The following EHMT1 variants were observed in gnomAD, a reference collection of about 807,000 sequenced individuals.
EHMT1 encodes the protein histone-lysine N-methyltransferase EHMT1.
A neutral mutation model predicts 147.2 loss-of-function variants in EHMT1; 15 were observed. The ratio of observed to expected loss-of-function variants is 0.10; its 90% CI spans 0.07 to 0.16. The LOEUF (loss-of-function observed/expected upper bound fraction) is 0.16. Among genes scored for constraint, EHMT1 ranks in the 10% least tolerant of loss-of-function variants. The probability of loss-of-function intolerance (pLI) is 1.00; values close to 1 mark genes in which losing one functional copy is unlikely to be tolerated. For synonymous variants in EHMT1, 795 were observed against 709.6 expected (o/e 1.12, Z -1.91); for missense variants, 1,587 against 1,772.4 (o/e 0.90, Z 1.88).
chr9:137,817,129 G>T, intron 23 of EHMT1: 1 of 452,450 alleles, frequency 2.2e-6, no homozygotes, highest in Non-Finnish European at 4.1e-6. Flanking sequence ...TAGCACCTCT[G>T]CCCCTCACAG....
intron 1 of EHMT1, among the ~76,000 whole-genome samples, chr9:137,676,773 G>A (rs1941383810): frequency 1.3e-5 from 2 of 152,202 alleles, no homozygotes; most frequent in Admixed American, 6.5e-5. Context: ...TGGGGTCACG[G>A]AATTCCGCCT....
chr9:137,758,105 C>A, intron 9 of EHMT1, 94 bp downstream of exon 9: 1 of 1,543,936 alleles, frequency 6.5e-7, no homozygotes, highest in Non-Finnish European at 8.9e-7. Context: ...CCTTGGTGGA[C>A]ACTAGTAGAA....
Position 137,716,622 on chromosome 9 carries a change from G to T in EHMT1, c.86-4G>T, listed in dbSNP as rs1945333186. The T allele has an allele frequency of 3.2e-6, 5 of 1,549,684 alleles. No individual in the cohort carries two copies. The East Asian group carries it at 1.1e-4, about 35-fold the overall frequency. On this transcript the variant is annotated splice_polypyrimidine_tract_variant and splice_region_variant and intron_variant, in intron 2 of 26. Coordinates refer to ENST00000460843, the MANE Select transcript of EHMT1 (RefSeq NM_024757.5). ...GTCAGTGACACTCGTTTCTTTGTTG[G>T]CAGAGACACCTATGGCTGCCGATGA...
Position 137,619,046 on chromosome 9 carries a change from C to A in EHMT1, c.18C>A (p.Ala6=), listed in dbSNP as rs1588999893. ...CCCGGGCCATGGCCGCCGCCGATGCCGAGGTGAGCAGCGGGGCCGGCGGGG... is the reference window on the plus strand; with the variant it reads ...CCCGGGCCATGGCCGCCGCCGATGCAGAGGTGAGCAGCGGGGCCGGCGGGG... MAAAD[A]EAVPARGEPQ... Residue 6 remains alanine, a synonymous_variant, in exon 1 of 27, where the codon GCC becomes GCA. Transcript: ENST00000460843. The A allele has an allele frequency of 5.2e-6, 5 of 954,976 alleles. No homozygotes were observed. Among genetic ancestry groups the A allele is most frequent in the Non-Finnish European group, 5.0e-6 (4 of 804,486 alleles). The allele number at this position is 954,976 out of a possible 1,614,324, so 59.2% of individuals were successfully genotyped here. A position where few individuals can be genotyped will look rare whatever the true frequency, so the allele number is the denominator to read the frequency against.
Position 137,798,584 on chromosome 9 carries a change from G to C in EHMT1, c.2506-229G>C, listed in dbSNP as rs4876946. 0.3 allele frequency among the ~76,000 whole-genome samples: 45,177 copies of C among 152,084 alleles called. 6,982 individuals are homozygous for C. The highest frequency in any genetic ancestry group is 0.4 in the Admixed American group (6,150 of 15,292). Reference sequence around the variant, plus strand: ...GACAACTATTGCTGAATCATTGACGGTGTCTTCACTGTGCCAGGCGACTGA... The same window carrying C: ...GACAACTATTGCTGAATCATTGACGCTGTCTTCACTGTGCCAGGCGACTGA... On this transcript the variant is annotated intron_variant, in intron 16 of 26. Transcript: ENST00000460843.
chr9:137,806,977 T>C (rs191683924), intron 18 of EHMT1, among the ~76,000 whole-genome samples: 81 of 152,362 alleles, frequency 5.3e-4, no homozygotes, highest in Non-Finnish European at 9.1e-4. Context: ...GTTTTAGCAA[T>C]TGGATTTTCC....
At chr9:137,747,032 T>C (rs556022981) in intron 6 of EHMT1, 1 of 152,266 alleles carries the variant, frequency 6.6e-6, no homozygotes, top group Admixed American at 6.5e-5. Flanking sequence ...GCACTGACAA[T>C]CAACAGTGAT....
At chr9:137,623,446 G>A (rs1843061470) in intron 1 of EHMT1, among the ~76,000 whole-genome samples, 1 of 151,198 alleles carries the variant, frequency 6.6e-6, no homozygotes. Context: ...ATGGAGGTCC[G>A]CTCCGTCGCC....
intron 23 of EHMT1, 129 bp downstream of exon 23, chr9:137,816,191 C>A: frequency 1.2e-6 from 1 of 821,274 alleles, no homozygotes; most frequent in Non-Finnish European, 2.0e-6. Flanking sequence ...CAGATAGAGC[C>A]GACAAGTTAC....
chr9:137,626,783 ATTTTTTT>A (rs1310956717), intron 1 of EHMT1, among the ~76,000 whole-genome samples: 1 of 133,048 alleles, frequency 7.5e-6, no homozygotes, highest in African/African-American at 2.8e-5. Context: ...CTCTTGCAGA[ATTTTTTT>A]TTTTTTTTTT....
At position 137,743,535 on chromosome 9, in the gene EHMT1, G is replaced by A. The variant is rs797045557; in HGVS notation, c.981+7G>A. On this transcript the variant is annotated splice_region_variant and intron_variant, in intron 5 of 26. Transcript: ENST00000460843. ...TTCCACTGTGGGTTCCAAGGTAAGA[G>A]ACGCATTTGAGTGAGTTGCCACGTG... 1.2e-6 allele frequency: 2 copies of A among 1,614,110 alleles called. No homozygotes were observed. The highest frequency in any genetic ancestry group is 4.5e-5 in the East Asian group (2 of 44,886).
At chr9:137,811,921 G>T (rs1009275732) in intron 19 of EHMT1, among the ~76,000 whole-genome samples, 1 of 152,240 alleles carries the variant, frequency 6.6e-6, no homozygotes, top group African/African-American at 2.4e-5. Flanking sequence ...CCTGCTCCCA[G>T]CAGGGACCTG....
chr9:137,717,109 A>G lies in EHMT1; in HGVS notation c.569A>G (p.Lys190Arg). Residue 190 changes from lysine (K) to arginine (R), a missense_variant, in exon 3 of 27, where the codon AAG becomes AGG. Around this residue, in one of 7 missense-constraint regions of EHMT1, gnomAD observed 810 missense variants for 673.0 expected, o/e 1.20. Coordinates refer to ENST00000460843, the MANE Select transcript of EHMT1 (RefSeq NM_024757.5). ...GGGAGTGCTGACACAGAGGACAGGA[A>G]GCTCCCGGCCCCTGGCGCCGACGTC... is the stretch of plus-strand genomic sequence containing the variant. ...GEGSADTEDR[K>R]LPAPGADVKV... 6.2e-7 allele frequency: 1 copy of G among 1,612,532 alleles called. No individual in the cohort carries two copies. Among genetic ancestry groups the G allele is most frequent in the Admixed American group, 1.7e-5 (1 of 60,006 alleles).
intron 1 of EHMT1, among the ~76,000 whole-genome samples, chr9:137,636,742 G>A (rs1244550445): frequency 6.6e-6 from 1 of 152,004 alleles, no homozygotes; most frequent in Non-Finnish European, 1.5e-5. Flanking sequence ...ATCCATTTGG[G>A]TATGTTATCT....
chr9:137,668,310 C>T lies in EHMT1; in HGVS notation c.22-42657C>T, dbSNP rs151090766. 3.3e-5 allele frequency among the ~76,000 whole-genome samples: 5 copies of T among 152,022 alleles called. No individual in the cohort carries two copies. The East Asian group carries it at 9.7e-4, about 29-fold the overall frequency. On this transcript the variant is annotated intron_variant, in intron 1 of 26. Coordinates refer to ENST00000460843, the MANE Select transcript of EHMT1 (RefSeq NM_024757.5). ...CTCTTCCTCCATTCTCCTTCCTCTC[C>T]CTTCTATTCACCCACCCACCACTCA...
At chr9:137,712,700 T>C (rs575691707) in intron 2 of EHMT1, among the ~76,000 whole-genome samples, 5 of 152,304 alleles carry the variant, frequency 3.3e-5, no homozygotes, top group South Asian at 2.1e-4. Flanking sequence ...TTTGCAAATA[T>C]TTTCTTCCGG....
chr9:137,782,490 G>A lies in EHMT1; in HGVS notation c.2382+93G>A. Reference sequence around the variant, plus strand: ...ATACCACGTTCGCGGTTCTTCCAGTGTAAGAGTTCCGTAGTGCTGTGAATC... The same window carrying A: ...ATACCACGTTCGCGGTTCTTCCAGTATAAGAGTTCCGTAGTGCTGTGAATC... On this transcript the variant is annotated intron_variant, in intron 15 of 26. Coordinates refer to ENST00000460843, the MANE Select transcript of EHMT1 (RefSeq NM_024757.5). The surrounding 1 kb of genome is among the most constrained non-coding windows in gnomAD (Gnocchi z 5.7). 1 of 1,232,388 alleles carries A rather than the reference G, an allele frequency of 8.1e-7. No individual in the cohort carries two copies. The highest frequency in any genetic ancestry group is 1.1e-6 in the Non-Finnish European group (1 of 874,044). 76.3% of individuals were successfully genotyped at this position (1,232,388 alleles called of 1,614,324 possible).
chr9:137,726,979 C>T (rs9410125), intron 3 of EHMT1, among the ~76,000 whole-genome samples: 17,114 of 152,140 alleles, frequency 0.11, 3,050 homozygotes, highest in African/African-American at 0.38. Flanking sequence ...AATGTCTGTT[C>T]AGGTCCTTTG....
At chr9:137,751,147 A>G (rs936343673) in intron 6 of EHMT1, among the ~76,000 whole-genome samples, 22 of 152,350 alleles carry the variant, frequency 1.4e-4, no homozygotes, top group African/African-American at 5.3e-4. Context: ...GTGTCAATAT[A>G]AAATATTGAA....
Sources: allele counts gnomAD v4.1 joint callset (sites outside exome capture counted in the v4.1 genomes callset), GRCh38; gene constraint gnomAD v4.1.1; regional missense constraint gnomAD v4.1.1; non-coding constraint Gnocchi (gnomAD v3.1); transcripts MANE v1.5; gene names NCBI Gene and HGNC (gene_info 2026-07-23, HGNC 2026-07-21).